Variants in AADAT observed in about 807,000 individuals in gnomAD.
AADAT encodes kynurenine/alpha-aminoadipate aminotransferase, mitochondrial.
AADAT carries 25 observed loss-of-function variants against 56.2 expected under a neutral mutation model. The ratio of observed to expected loss-of-function variants is 0.44; its 90% CI spans 0.32 to 0.62. The LOEUF is 0.62. AADAT is among the 20% of genes least tolerant of loss of function. The pLI, the probability that AADAT is intolerant of heterozygous loss-of-function variation, is 0.04. For missense variants in AADAT, 387 were observed against 510.5 expected (o/e 0.76, Z 2.33); for synonymous variants, 173 against 164.7 (o/e 1.05, Z -0.39).
At chr4:170,076,109 A>G (rs372726232) in intron 4 of AADAT, among the ~76,000 whole-genome samples, 2 of 152,216 alleles carry the variant, frequency 1.3e-5, no homozygotes, top group East Asian at 3.8e-4. Flanking sequence ...GTATATAGCC[A>G]TGAGTGGAAT....
intron 7 of AADAT, 59 bp downstream of exon 7, chr4:170,069,089 T>C: frequency 5.6e-6 from 8 of 1,434,236 alleles, no homozygotes; most frequent in Non-Finnish European, 7.7e-6. Context: ...TAAAAGATAC[T>C]GAGGTACTAT....
At chr4:170,076,562 GGTT>G (rs1194922395) in intron 4 of AADAT, among the ~76,000 whole-genome samples, 10 of 151,952 alleles carry the variant, frequency 6.6e-5, no homozygotes, top group African/African-American at 1.9e-4. Context: ...TTTTAAATTG[GGTT>G]GTTTATCTTT....
At chr4:170,089,386 C>G (rs1373180037) in intron 1 of AADAT, 1 of 597,224 alleles carries the variant, frequency 1.7e-6, no homozygotes, top group Non-Finnish European at 3.0e-6. Context: ...GTCTGCGCCT[C>G]TCTCTACTGT....
intron 5 of AADAT, among the ~76,000 whole-genome samples, chr4:170,072,185 T>C (rs1731800401): frequency 6.6e-6 from 1 of 151,950 alleles, no homozygotes; most frequent in Non-Finnish European, 1.5e-5. Context: ...GGACAGAGCC[T>C]GGAAAGTACA....
chr4:170,067,508 C>G, intron 8 of AADAT, 120 bp from the exon 9 acceptor site: 2 of 675,928 alleles, frequency 3.0e-6, no homozygotes, highest in Non-Finnish European at 5.2e-6. Context: ...ACAAGCTGAG[C>G]CTAGCTTATA....
At chr4:170,090,673 T>G (rs1163165978), upstream of AADAT, 4 of 151,762 alleles carry the variant, frequency 2.6e-5, no homozygotes, top group Non-Finnish European at 5.9e-5. Flanking sequence ...CCTTGCCTTT[T>G]TTTTTCTTAC....
At chr4:170,084,928 G>A (rs907577337) in intron 3 of AADAT, among the ~76,000 whole-genome samples, 2 of 152,088 alleles carry the variant, frequency 1.3e-5, no homozygotes, top group Non-Finnish European at 2.9e-5. Context: ...TCACTTACAC[G>A]CACAGTTTCT....
chr4:170,091,981 A>C (rs1401961714), upstream of AADAT, among the ~76,000 whole-genome samples: 1 of 152,162 alleles, frequency 6.6e-6, no homozygotes, highest in Non-Finnish European at 1.5e-5. Context: ...TAACTAATCT[A>C]GTGGGGACTT....
chr4:170,093,853 C>T (rs530764290), upstream of AADAT, among the ~76,000 whole-genome samples: 25 of 152,334 alleles, frequency 1.6e-4, no homozygotes, highest in Middle Eastern at 3.4e-3. Context: ...CCACTTTGGC[C>T]TCCGGAAGTG....
chr4:170,089,799 C>G lies in AADAT; in HGVS notation c.-109G>C. On this transcript the variant is annotated 5_prime_UTR_variant, in exon 1 of 13. Transcript: ENST00000337664. ...TAACTCCTCACTCTGGCAACGCCAC[C>G]GCGAGATGTGTCCCCCCGCTGCGTC... The G allele has an allele frequency of 9.0e-7, 1 of 1,113,276 alleles. No individual in the cohort carries two copies. The highest frequency in any genetic ancestry group is 1.3e-6 in the Non-Finnish European group (1 of 758,474). The allele number at this position is 1,113,276 out of a possible 1,614,324, so 69.0% of individuals were successfully genotyped here. A position where few individuals can be genotyped will look rare whatever the true frequency, so the allele number is the denominator to read the frequency against.
intron 8 of AADAT, 59 bp from the exon 9 acceptor site, chr4:170,067,447 A>G: frequency 2.1e-6 from 3 of 1,444,618 alleles, no homozygotes; most frequent in Non-Finnish European, 2.9e-6. Flanking sequence ...ACTTTTTGCC[A>G]TATATAAAAG....
At chr4:170,087,954 G>A (rs1448031467) in intron 2 of AADAT, among the ~76,000 whole-genome samples, 3 of 150,488 alleles carry the variant, frequency 2.0e-5, no homozygotes, top group African/African-American at 7.3e-5. Flanking sequence ...ATAGAATGAA[G>A]AAACGGAAGA....
chr4:170,064,872 T>A, intron 10 of AADAT, 47 bp from the exon 11 acceptor site: 1 of 1,518,546 alleles, frequency 6.6e-7, no homozygotes, highest in Non-Finnish European at 9.0e-7. Context: ...GAAGGCATTT[T>A]TGATGATATC....
chr4:170,062,135 T>C (rs1345613943), intron 11 of AADAT, 142 bp from the exon 12 acceptor site: 3 of 484,128 alleles, frequency 6.2e-6, no homozygotes, highest in Non-Finnish European at 7.2e-6. Context: ...TACTAATTTA[T>C]ATAAAAATTG....
Position 170,069,158 on chromosome 4 carries a change from T to C in AADAT, c.793A>G (p.Ile265Val), listed in dbSNP as rs760496804. The change falls in exon 7 of 13, where the codon ATT becomes GTT. Residue 265 changes from isoleucine (I) to valine (V), a missense_variant. Ile to Val is a conservative substitution (Grantham distance 29). Coordinates refer to ENST00000337664, the MANE Select transcript of AADAT (RefSeq NM_016228.4). ...VIRADSFSKI[I>V]SSGLRIGFLT... ...GACACAGGGCCTTACCCAGAGGAAA[T>C]GATTTTTGAAAAAGAGTCAGCTCTG... is the stretch of plus-strand genomic sequence containing the variant. 2 of 1,613,568 alleles carry C rather than the reference T, an allele frequency of 1.2e-6. No homozygotes were observed. The highest frequency in any genetic ancestry group is 2.7e-5 in the African/African-American group (2 of 74,894).
intron 10 of AADAT, 61 bp from the exon 11 acceptor site, chr4:170,064,886 G>C (rs1731370036): frequency 6.9e-7 from 1 of 1,450,510 alleles, no homozygotes; most frequent in South Asian, 1.2e-5. Context: ...TGATATCAAA[G>C]TGTGTTGTTA....
At chr4:170,091,016 T>G (rs1282018256), upstream of AADAT, among the ~76,000 whole-genome samples, 2 of 152,244 alleles carry the variant, frequency 1.3e-5, no homozygotes, top group African/African-American at 4.8e-5. Context: ...GTAAAATCTT[T>G]GTGCTAGCAG....
intron 3 of AADAT, among the ~76,000 whole-genome samples, chr4:170,080,034 C>T (rs556403134): frequency 3.3e-5 from 5 of 152,150 alleles, no homozygotes; most frequent in Admixed American, 3.3e-4. Flanking sequence ...TGGAGGAGAA[C>T]CACACAACAT....
At chr4:170,061,058 TATCTGTCTAAGG>T in intron 12 of AADAT, 89 bp from the exon 13 acceptor site, 1 of 983,328 alleles carries the variant, frequency 1.0e-6, no homozygotes, top group Admixed American at 2.7e-5. Flanking sequence ...AAACAAAGAG[TATCTGTCTAAGG>T]TTGAGAGAAG....
Sources: allele counts gnomAD v4.1 joint callset (sites outside exome capture counted in the v4.1 genomes callset), GRCh38; gene constraint gnomAD v4.1.1; transcripts MANE v1.5; gene names NCBI Gene and HGNC (gene_info 2026-07-23, HGNC 2026-07-21).